Variants in WDPCP observed in about 807,000 individuals in gnomAD.
WDPCP encodes the protein WD repeat containing planar cell polarity effector, also known as WD repeat-containing and planar cell polarity effector protein fritz homolog.
Under a neutral mutation model 93.1 loss-of-function variants are expected in WDPCP, and 71 were observed. The ratio of observed to expected loss-of-function variants is 0.76; its 90% CI spans 0.63 to 0.93. WDPCP has a LOEUF of 0.93. WDPCP is among the 40% of genes least tolerant of loss of function. The pLI is 0.00. For missense variants in WDPCP, 844 were observed against 887.4 expected (o/e 0.95, Z 0.62); for synonymous variants, 315 against 315.0 (o/e 1.00, Z 0.00).
Position 63,756,397 on chromosome 2 carries a change from C to G in WDPCP, n.308+57225G>C, listed in dbSNP as rs148420813. Reference sequence around the variant, plus strand: ...CAGGGTCCATCAGTTCTTTGTAATGCAGAAATGTGTAAATCAGATGGCAAA... The same window carrying G: ...CAGGGTCCATCAGTTCTTTGTAATGGAGAAATGTGTAAATCAGATGGCAAA... On this transcript the variant is annotated intron_variant and non_coding_transcript_variant, in intron 2 of 4. Coordinates refer to the WDPCP transcript ENST00000467687. Among the ~76,000 whole-genome samples the G allele has an allele frequency of 4.1e-3, 625 of 152,252 alleles. 3 individuals are homozygous for G. The highest frequency in any genetic ancestry group is 0.014 in the African/African-American group (585 of 41,560).
At chr2:63,416,319 C>T (rs1399483639) in intron 9 of WDPCP, among the ~76,000 whole-genome samples, 1 of 151,910 alleles carries the variant, frequency 6.6e-6, no homozygotes, top group Non-Finnish European at 1.5e-5. Flanking sequence ...CCTGCCTCAG[C>T]CTCCCGAGTA....
intron 2 of WDPCP, chr2:63,684,607 C>T (rs1668779563): frequency 4.2e-6 from 3 of 719,420 alleles, no homozygotes; most frequent in South Asian, 4.0e-5. Context: ...AGGATGTCTT[C>T]AGAGATCCTG....
chr2:63,525,869 T>C (rs1194795902), intron 1 of WDPCP, among the ~76,000 whole-genome samples: 1 of 152,182 alleles, frequency 6.6e-6, no homozygotes, highest in African/African-American at 2.4e-5. Context: ...AAGGCTGCCT[T>C]TCCTTTTCAT....
intron 2 of WDPCP, among the ~76,000 whole-genome samples, chr2:63,768,100 T>C (rs940072455): frequency 6.6e-6 from 1 of 152,134 alleles, no homozygotes; most frequent in Non-Finnish European, 1.5e-5. Context: ...ATTTTATTTA[T>C]GGTAGAAGGT....
In WDPCP at chr2:63,313,276, A is replaced by G; in HGVS notation, c.1784T>C (p.Val595Ala). 1 of 1,613,820 alleles carries G rather than the reference A, an allele frequency of 6.2e-7. No homozygotes were observed. Among genetic ancestry groups the G allele is most frequent in the Non-Finnish European group, 8.5e-7 (1 of 1,179,800 alleles). ...AAAGAGGTCACGAGCACCAACGTCA[A>G]CAGCTAGGAGAAATGCCTTTTCAAA... ...QRFEKAFLLA[V>A]DVGARDLFMD... is the part of the protein sequence containing the mutation. Residue 595 changes from valine (V) to alanine (A), a missense_variant, in exon 13 of 18, where the codon GTT (valine) becomes GCT (alanine). Coordinates refer to ENST00000272321, the MANE Select transcript of WDPCP (RefSeq NM_015910.7).
the WDPCP span, among the ~76,000 whole-genome samples, chr2:63,837,163 G>T: frequency 6.6e-6 from 1 of 152,214 alleles, no homozygotes; most frequent in East Asian, 1.9e-4. Flanking sequence ...CAACAGGAAA[G>T]AATGAAGTCT....
At chr2:63,715,725 T>C (rs1575755856) in intron 2 of WDPCP, among the ~76,000 whole-genome samples, 1 of 152,238 alleles carries the variant, frequency 6.6e-6, no homozygotes, top group South Asian at 2.1e-4. Flanking sequence ...TGCTCATACA[T>C]TCCATTGCAT....
intron 12 of WDPCP, chr2:63,378,054 C>T (rs1692000256): frequency 7.1e-6 from 2 of 280,894 alleles, no homozygotes; most frequent in South Asian, 8.2e-5. Context: ...AGAACATTCA[C>T]ATCATTAGCT....
chr2:63,810,140 G>C (rs1388276668), intron 2 of WDPCP, among the ~76,000 whole-genome samples: 1 of 152,144 alleles, frequency 6.6e-6, no homozygotes, highest in Non-Finnish European at 1.5e-5. Context: ...ACAGAAGTTG[G>C]TTTTATACTT....
intron 9 of WDPCP, among the ~76,000 whole-genome samples, chr2:63,417,192 T>C (rs1695497737): frequency 6.6e-6 from 1 of 152,178 alleles, no homozygotes; most frequent in South Asian, 2.1e-4. Flanking sequence ...AAAAAAAGAA[T>C]GAAAAACACA....
At chr2:63,458,463 A>C (rs1222170689) in intron 6 of WDPCP, among the ~76,000 whole-genome samples, 4 of 152,162 alleles carry the variant, frequency 2.6e-5, no homozygotes, top group Admixed American at 6.5e-5. Context: ...CTAGGCGAGA[A>C]AGAAATCAAG....
intron 1 of WDPCP, among the ~76,000 whole-genome samples, chr2:63,560,379 C>A (rs1007203332): frequency 1.3e-5 from 2 of 152,160 alleles, no homozygotes. Flanking sequence ...CAGCATTGTA[C>A]TGGTACAAAA....
At chr2:63,576,272 T>C (rs1054833669) in intron 1 of WDPCP, among the ~76,000 whole-genome samples, 1 of 151,914 alleles carries the variant, frequency 6.6e-6, no homozygotes. Context: ...ACAAACCCCA[T>C]GTTGTGACCT....
chr2:63,188,641 T>C (rs562248631), intron 14 of WDPCP, among the ~76,000 whole-genome samples: 1 of 152,198 alleles, frequency 6.6e-6, no homozygotes, highest in South Asian at 2.1e-4. Context: ...GCTTTATAAT[T>C]TTTTGAAAAT....
intron 1 of WDPCP, among the ~76,000 whole-genome samples, chr2:63,519,795 A>T (rs1454725669): frequency 6.6e-6 from 1 of 152,240 alleles, no homozygotes; most frequent in African/African-American, 2.4e-5. Context: ...AGAAAGAATC[A>T]GCACAAAAAA....
intron 12 of WDPCP, among the ~76,000 whole-genome samples, chr2:63,358,222 C>T (rs938111039): frequency 6.6e-6 from 1 of 151,812 alleles, no homozygotes; most frequent in Non-Finnish European, 1.5e-5. Context: ...ACATGTATCT[C>T]TGAACCTAAA....
upstream of WDPCP, among the ~76,000 whole-genome samples, chr2:63,829,880 C>A (rs371738217): frequency 5.3e-5 from 8 of 151,982 alleles, no homozygotes; most frequent in Non-Finnish European, 1.2e-4. Context: ...TATGAATGGA[C>A]GTGTGGGAAG....
At chr2:63,201,991 T>G (rs1014147386) in intron 14 of WDPCP, among the ~76,000 whole-genome samples, 1 of 152,054 alleles carries the variant, frequency 6.6e-6, no homozygotes, top group Non-Finnish European at 1.5e-5. Flanking sequence ...TAGATTTAAC[T>G]TCTATAAATT....
At chr2:63,405,470 C>G (rs1349327677) in intron 9 of WDPCP, among the ~76,000 whole-genome samples, 1 of 150,968 alleles carries the variant, frequency 6.6e-6, no homozygotes, top group Non-Finnish European at 1.5e-5. Context: ...TCTATGTAAA[C>G]AGAGGACTGA....
Sources: allele counts gnomAD v4.1 joint callset (sites outside exome capture counted in the v4.1 genomes callset), GRCh38; gene constraint gnomAD v4.1.1; transcripts MANE v1.5; gene names NCBI Gene and HGNC (gene_info 2026-07-23, HGNC 2026-07-21).